Variants in NRXN3 observed in about 807,000 individuals in gnomAD.
The protein encoded by NRXN3 is neurexin III.
A neutral mutation model predicts 137.6 loss-of-function variants in NRXN3; 32 were observed. The ratio of observed to expected loss-of-function variants is 0.23; its 90% confidence interval spans 0.18 to 0.31. The LOEUF (loss-of-function observed/expected upper bound fraction) is 0.31, where lower values mean the gene tolerates loss of function less well. Among genes scored for constraint, NRXN3 ranks in the 10% least tolerant of loss-of-function variants. NRXN3 has a pLI of 1.00. For missense variants in NRXN3, 1,574 were observed against 2,062.5 expected (o/e 0.76, Z 4.59); for synonymous variants, 798 against 784.5 (o/e 1.02, Z -0.29).
At chr14:79,825,221 T>C (rs1258987346) in intron 20 of NRXN3, among the ~76,000 whole-genome samples, 3 of 151,316 alleles carry the variant, frequency 2.0e-5, no homozygotes, top group African/African-American at 7.3e-5. Flanking sequence ...TTTTTTTTTT[T>C]TTTTTACGGC....
intron 19 of NRXN3, among the ~76,000 whole-genome samples, chr14:79,717,888 G>A (rs541412319): frequency 2.6e-4 from 40 of 152,256 alleles, no homozygotes; most frequent in Admixed American, 7.8e-4. Context: ...GTCTCTCAGC[G>A]CATTCATTCC....
intron 8 of NRXN3, among the ~76,000 whole-genome samples, chr14:78,733,544 G>A (rs1307283401): frequency 2.0e-5 from 3 of 152,126 alleles, no homozygotes; most frequent in Non-Finnish European, 1.5e-5. Flanking sequence ...GTGGTCAGAG[G>A]TAACAAGGAG....
intron 14 of NRXN3, among the ~76,000 whole-genome samples, chr14:78,972,509 T>C (rs1191424983): frequency 6.6e-6 from 1 of 152,186 alleles, no homozygotes; most frequent in African/African-American, 2.4e-5. Context: ...TTCTATGGGC[T>C]CCATCTGATT....
intron 4 of NRXN3, among the ~76,000 whole-genome samples, chr14:78,627,388 A>AAG (rs1013542742): frequency 1.3e-4 from 20 of 152,168 alleles, no homozygotes; most frequent in Admixed American, 1.2e-3. Context: ...GAAAGAAAAA[A>AAG]AGAGCTCAAT....
At chr14:79,636,272 T>C (rs1238524667) in intron 16 of NRXN3, among the ~76,000 whole-genome samples, 2 of 152,220 alleles carry the variant, frequency 1.3e-5, no homozygotes, top group African/African-American at 4.8e-5. Flanking sequence ...AACTGTACTT[T>C]TTCAGAATAT....
At chr14:79,471,733 A>C (rs1224843759) in intron 16 of NRXN3, among the ~76,000 whole-genome samples, 1 of 152,094 alleles carries the variant, frequency 6.6e-6, no homozygotes. Flanking sequence ...TGAGTGGGAA[A>C]ACTTGGGCAA....
chr14:79,673,257 C>T (rs1268532521), intron 17 of NRXN3, among the ~76,000 whole-genome samples: 1 of 152,022 alleles, frequency 6.6e-6, no homozygotes, highest in East Asian at 1.9e-4. Context: ...ACAGTTTTCT[C>T]CATAAGATGC....
At chr14:78,878,298 T>C (rs1238638002) in intron 10 of NRXN3, among the ~76,000 whole-genome samples, 1 of 152,144 alleles carries the variant, frequency 6.6e-6, no homozygotes, top group Non-Finnish European at 1.5e-5. Flanking sequence ...TTCTTCACTA[T>C]TTAAAAAGTC....
At chr14:79,228,721 T>C (rs372100323) in intron 15 of NRXN3, among the ~76,000 whole-genome samples, 10 of 152,188 alleles carry the variant, frequency 6.6e-5, no homozygotes, top group African/African-American at 2.4e-4. Flanking sequence ...GGTGCCTGCC[T>C]GAGGTCTCCA....
chr14:78,726,510 T>G (rs1430121708), intron 8 of NRXN3, among the ~76,000 whole-genome samples: 1 of 137,038 alleles, frequency 7.3e-6, no homozygotes, highest in Non-Finnish European at 1.5e-5. Flanking sequence ...CATTTACCAT[T>G]TTAGCTTTTT....
intron 15 of NRXN3, among the ~76,000 whole-genome samples, chr14:79,356,613 A>T (rs2093431802): frequency 6.6e-6 from 1 of 152,210 alleles, no homozygotes; most frequent in African/African-American, 2.4e-5. Context: ...TTATGCATAA[A>T]GCAGTTTCTG....
intron 10 of NRXN3, among the ~76,000 whole-genome samples, chr14:78,812,832 A>T (rs2098918452): frequency 6.6e-6 from 1 of 152,256 alleles, no homozygotes; most frequent in Admixed American, 6.5e-5. Context: ...TTTCACAATA[A>T]ACCTTTAATG....
chr14:79,652,666 A>G (rs2098482742), intron 16 of NRXN3, among the ~76,000 whole-genome samples: 1 of 152,070 alleles, frequency 6.6e-6, no homozygotes, highest in African/African-American at 2.4e-5. Flanking sequence ...AAAAGGTATG[A>G]GTCAGCTCCC....
At chr14:78,215,775 G>A in intron 1 of NRXN3, among the ~76,000 whole-genome samples, 1 of 136,480 alleles carries the variant, frequency 7.3e-6, no homozygotes, top group Admixed American at 7.3e-5. Flanking sequence ...GGGGGGTGGG[G>A]GGGGCAGGGG....
At chr14:79,016,554 G>A (rs1367668861) in intron 15 of NRXN3, among the ~76,000 whole-genome samples, 1 of 152,166 alleles carries the variant, frequency 6.6e-6, no homozygotes, top group Admixed American at 6.5e-5. Context: ...CCCAGCTCTA[G>A]TAGAGCCTGT....
Position 78,178,976 on chromosome 14 carries a change from C to T in NRXN3, c.-704+8302C>T, listed in dbSNP as rs536739704. 5.6e-4 allele frequency among the ~76,000 whole-genome samples: 85 copies of T among 152,286 alleles called. No individual in the cohort carries two copies. In the South Asian group the frequency reaches 0.017, roughly 31 times the overall value. On this transcript the variant is annotated intron_variant, in intron 1 of 20. Coordinates refer to ENST00000335750, the MANE Select transcript of NRXN3 (RefSeq NM_001330195.2). ...GGGGATCATCATCCTTATCAGCCAC[C>T]TCTAGGCCTGCCTCTACCCCACACC... is the stretch of plus-strand genomic sequence containing the variant.
At chr14:79,380,562 G>A (rs1211279249) in intron 15 of NRXN3, among the ~76,000 whole-genome samples, 3 of 152,148 alleles carry the variant, frequency 2.0e-5, no homozygotes. Context: ...ATTCCATGGT[G>A]TATATGTGCC....
At chr14:78,506,810 C>T (rs1237681424) in intron 4 of NRXN3, among the ~76,000 whole-genome samples, 1 of 151,968 alleles carries the variant, frequency 6.6e-6, no homozygotes, top group Non-Finnish European at 1.5e-5. Flanking sequence ...GCTAGGAGTA[C>T]AGGTGCATAC....
At chr14:78,380,330 A>AAAAG (rs2088839400) in intron 4 of NRXN3, among the ~76,000 whole-genome samples, 1 of 140,928 alleles carries the variant, frequency 7.1e-6, no homozygotes, top group Admixed American at 7.0e-5. Context: ...AAAAAAAAAG[A>AAAAG]TGTGTTTACA....
Sources: gnomAD v4.1 joint callset for allele counts (sites outside exome capture counted in the v4.1 genomes callset) on GRCh38, gnomAD v4.1.1 for gene constraint, MANE v1.5 for transcripts, NCBI Gene and HGNC (gene_info 2026-07-23, HGNC 2026-07-21) for gene names.